Variants in BRCA1 observed in about 807,000 individuals in gnomAD.
BRCA1 encodes the protein BRCA1 DNA repair associated.
Under a neutral mutation model 173.7 loss-of-function variants are expected in BRCA1, and 140 were observed. That is an observed-to-expected ratio of 0.81 (90% CI 0.70 to 0.93). The LOEUF is 0.93. BRCA1 is among the 40% of genes least tolerant of loss of function. BRCA1 has a pLI of 0.00. For synonymous variants in BRCA1, 662 were observed against 756.0 expected (o/e 0.88, Z 2.04); for missense variants, 1,983 against 2,172.5 (o/e 0.91, Z 1.73).
In BRCA1 at chr17:43,091,468, T is replaced by C. The variant is rs876660530; in HGVS notation, c.4063A>G (p.Asn1355Asp). Reference protein sequence around the residue: ...EERGTGLEENNQEEQSMDSNL... With the variant: ...EERGTGLEENDQEEQSMDSNL... The stretch of plus-strand genomic sequence containing the variant: ...GAATCCATGCTTTGCTCTTCTTGAT[T>C]ATTTTCTTCCAAGCCCGTTCCTCTT... Residue 1355 changes from asparagine (N) to aspartate (D), a missense_variant, in exon 10 of 23, where the codon AAT (asparagine) becomes GAT (aspartate). Coordinates refer to ENST00000357654, the MANE Select transcript of BRCA1 (RefSeq NM_007294.4). The C allele has an allele frequency of 6.2e-7, 1 of 1,613,622 alleles. No individual in the cohort carries two copies. The highest frequency in any genetic ancestry group is 1.1e-5 in the South Asian group (1 of 90,972).
chr17:43,071,011 C>T lies in BRCA1; in HGVS notation c.4903G>A (p.Glu1635Lys), dbSNP rs200432771. ...YNAMEESVSR[E>K]KPELTASTER... ...GTTGAAGCTGTCAATTCTGGCTTCTCCCTGCTCACACTTTCTTCCATTGCA... is the reference window on the plus strand; with the variant it reads ...GTTGAAGCTGTCAATTCTGGCTTCTTCCTGCTCACACTTTCTTCCATTGCA... Residue 1635 changes from glutamate to lysine, a missense_variant, in exon 15 of 23, where the codon GAG becomes AAG. Glu to Lys is a moderately conservative substitution (Grantham distance 56). Transcript: ENST00000357654. 7 of 1,614,108 alleles carry T rather than the reference C, an allele frequency of 4.3e-6. No individual in the cohort carries two copies. Among genetic ancestry groups the T allele is most frequent in the African/African-American group, 1.3e-5 (1 of 74,926 alleles).
chr17:43,114,973 T>C (rs994210217), intron 3 of BRCA1, among the ~76,000 whole-genome samples: 1 of 152,172 alleles, frequency 6.6e-6, no homozygotes, highest in Admixed American at 6.5e-5. Context: ...TATAAATGAA[T>C]TTTGGCCTAA....
At chr17:43,045,878 G>A (rs1275707537) in intron 22 of BRCA1, 76 bp from the exon 23 acceptor site, 1 of 1,595,880 alleles carries the variant, frequency 6.3e-7, no homozygotes, top group Non-Finnish European at 8.6e-7. Flanking sequence ...TCGACTCCAG[G>A]GTCCTGGTTG....
chr17:43,067,598 C>T lies in BRCA1; in HGVS notation c.5074+10G>A, dbSNP rs780970459. ...AGATGCAAGGTATTCTGTAAAGGTTCTTGGTATACCTGTTTTCATAACAAC... is the reference window on the plus strand; with the variant it reads ...AGATGCAAGGTATTCTGTAAAGGTTTTTGGTATACCTGTTTTCATAACAAC... On this transcript the variant is annotated intron_variant, in intron 16 of 22. Coordinates refer to ENST00000357654, the MANE Select transcript of BRCA1 (RefSeq NM_007294.4). 4 of 1,592,818 alleles carry T rather than the reference C, an allele frequency of 2.5e-6. No homozygotes were observed. In the South Asian group the frequency reaches 4.4e-5, roughly 18 times the overall value.
intron 22 of BRCA1, 22 bp downstream of exon 22, chr17:43,047,621 C>CA (rs1567757768): frequency 8.1e-6 from 13 of 1,614,014 alleles, no homozygotes; most frequent in Non-Finnish European, 1.1e-5. Flanking sequence ...CCATATAGCA[C>CA]AGGTACATGC....
intron 1 of BRCA1, among the ~76,000 whole-genome samples, chr17:43,124,543 G>T (rs1299852029): frequency 1.3e-5 from 2 of 151,940 alleles, no homozygotes; most frequent in African/African-American, 4.8e-5. Context: ...CTCATCTCTG[G>T]ATCCTCCTCA....
upstream of BRCA1, among the ~76,000 whole-genome samples, chr17:43,127,022 G>A (rs762816348): frequency 2.0e-5 from 3 of 152,286 alleles, no homozygotes; most frequent in East Asian, 1.9e-4. Context: ...CCTGCACCCC[G>A]CTTGAATTCT....
chr17:43,151,696 T>C (rs1025627900), intron 1 of BRCA1, among the ~76,000 whole-genome samples: 7 of 152,114 alleles, frequency 4.6e-5, no homozygotes, highest in African/African-American at 1.7e-4. Flanking sequence ...TTGAAACTAG[T>C]CTGGTCAACA....
intron 1 of BRCA1, among the ~76,000 whole-genome samples, chr17:43,141,268 T>C (rs1190772844): frequency 6.6e-6 from 1 of 152,090 alleles, no homozygotes; most frequent in East Asian, 1.9e-4. Context: ...GAATCTTACT[T>C]TGGGAGTTTT....
intron 11 of BRCA1, among the ~76,000 whole-genome samples, chr17:43,083,632 C>T (rs912969347): frequency 8.5e-5 from 13 of 152,058 alleles, no homozygotes; most frequent in African/African-American, 3.1e-4. Context: ...AGAATGTGTC[C>T]ACCTAGAGAT....
At chr17:43,115,578 ACT>A (rs1441493227) in intron 3 of BRCA1, 146 bp downstream of exon 3, 2 of 745,204 alleles carry the variant, frequency 2.7e-6, no homozygotes, top group African/African-American at 3.5e-5. Flanking sequence ...ATAACTATAT[ACT>A]CTCTGAGAAA....
At chr17:43,084,025 C>T (rs1438253962) in intron 11 of BRCA1, among the ~76,000 whole-genome samples, 2 of 150,008 alleles carry the variant, frequency 1.3e-5, no homozygotes, top group Non-Finnish European at 3.0e-5. Flanking sequence ...TTACCATGCC[C>T]GACTAATTTT....
intron 1 of BRCA1, chr17:43,165,728 T>C (rs2056262248): frequency 6.6e-6 from 1 of 151,636 alleles, no homozygotes; most frequent in African/African-American, 2.4e-5. Flanking sequence ...CCCCTTTTTT[T>C]CCTTTTTTTT....
intron 18 of BRCA1, 131 bp downstream of exon 18, chr17:43,063,202 A>G (rs770048742): frequency 2.7e-5 from 22 of 800,280 alleles, no homozygotes; most frequent in Non-Finnish European, 4.5e-5. Flanking sequence ...ATAATTCTTG[A>G]TGATCCTCAT....
intron 2 of BRCA1, among the ~76,000 whole-genome samples, chr17:43,122,062 T>C (rs2055603695): frequency 6.6e-6 from 1 of 152,190 alleles, no homozygotes; most frequent in Non-Finnish European, 1.5e-5. Context: ...AATCCTGTTT[T>C]CCTCTTATTT....
At chr17:43,090,919 G>A in intron 11 of BRCA1, 25 bp downstream of exon 11, 1 of 1,583,502 alleles carries the variant, frequency 6.3e-7, no homozygotes, top group Non-Finnish European at 8.6e-7. Flanking sequence ...ACACACGCAT[G>A]TGCACACACA....
At chr17:43,099,675 C>T (rs2154527422) in intron 7 of BRCA1, 100 bp downstream of exon 7, 1 of 980,544 alleles carries the variant, frequency 1.0e-6, no homozygotes, top group Non-Finnish European at 1.6e-6. Flanking sequence ...CCCAAAGCTG[C>T]CTACCACAAA....
intron 3 of BRCA1, among the ~76,000 whole-genome samples, chr17:43,114,227 T>C (rs2055164662): frequency 6.6e-6 from 1 of 152,138 alleles, no homozygotes; most frequent in Non-Finnish European, 1.5e-5. Flanking sequence ...GCTACCACAC[T>C]GGGCCCTTGA....
chr17:43,063,502 G>T, intron 17 of BRCA1, 129 bp from the exon 18 acceptor site: 1 of 769,520 alleles, frequency 1.3e-6, no homozygotes. Flanking sequence ...TCCCTCTAAA[G>T]CCACAGCCCT....
Sources: gnomAD v4.1 joint callset for allele counts (sites outside exome capture counted in the v4.1 genomes callset) on GRCh38, gnomAD v4.1.1 for gene constraint, MANE v1.5 for transcripts, NCBI Gene and HGNC (gene_info 2026-07-23, HGNC 2026-07-21) for gene names.